CDH23: variants seen among roughly 807,000 people sequenced by gnomAD.
The protein encoded by CDH23 is cadherin related 23, also known as cadherin-23.
In CDH23, 189 loss-of-function variants were observed where a neutral mutation model predicts 317.1. The ratio of observed to expected loss-of-function variants is 0.60; its 90% CI spans 0.53 to 0.67. CDH23 has a LOEUF of 0.67. Among genes scored for constraint, CDH23 ranks in the 30% least tolerant of loss-of-function variants. The pLI is 0.00. For synonymous variants in CDH23, 1,839 were observed against 1,876.8 expected, an observed-to-expected ratio of 0.98 and a Z score of 0.52; for missense variants, 4,401 against 4,592.4, an observed-to-expected ratio of 0.96 and a Z score of 1.20.
intron 6 of CDH23, among the ~76,000 whole-genome samples, chr10:71,526,747 G>C (rs1432751982): frequency 6.6e-6 from 1 of 152,138 alleles, no homozygotes; most frequent in Non-Finnish European, 1.5e-5. Context: ...TGCGTCACTC[G>C]GGTGCTTTTT....
At chr10:71,700,452 G>T (rs1317545156) in intron 22 of CDH23, among the ~76,000 whole-genome samples, 1 of 152,184 alleles carries the variant, frequency 6.6e-6, no homozygotes, top group Non-Finnish European at 1.5e-5. Context: ...AAGGAATGCT[G>T]GTCTTCTATG....
intron 17 of CDH23, among the ~76,000 whole-genome samples, chr10:71,681,582 G>A (rs1385209363): frequency 2.0e-5 from 3 of 152,208 alleles, no homozygotes; most frequent in East Asian, 1.9e-4. Flanking sequence ...AGTGCCCAGA[G>A]TAGGTGACTG....
chr10:71,792,848 A>ACATAT (rs1436616635), intron 47 of CDH23, among the ~76,000 whole-genome samples: 1 of 54,244 alleles, frequency 1.8e-5, no homozygotes, highest in African/African-American at 6.5e-5. Context: ...AAAAAAAAAA[A>ACATAT]AAAAATATAT....
At chr10:71,644,414 G>A (rs1010024986) in intron 12 of CDH23, among the ~76,000 whole-genome samples, 4 of 152,254 alleles carry the variant, frequency 2.6e-5, no homozygotes, top group African/African-American at 4.8e-5. Flanking sequence ...ATGGGTAAAC[G>A]TTAGCATGCA....
chr10:71,554,102 G>A (rs1455379929), intron 6 of CDH23, among the ~76,000 whole-genome samples: 1 of 152,208 alleles, frequency 6.6e-6, no homozygotes, highest in East Asian at 1.9e-4. Context: ...AAGATTTACT[G>A]AGCACCTATT....
In CDH23 at chr10:71,751,244, C is replaced by A; in HGVS notation, c.4845+9323C>A. 6.2e-7 allele frequency: 1 copy of A among 1,607,086 alleles called. No homozygotes were observed. Among genetic ancestry groups the A allele is most frequent in the East Asian group, 2.2e-5 (1 of 44,698 alleles). ...CCCAGCCACAACAGCCCACTGTCCC[C>A]CAGCTGGGCTAGATGACCTCAAAGT... On this transcript the variant is annotated intron_variant, in intron 38 of 69. Transcript: ENST00000224721. The surrounding 1 kb of genome is among the most constrained non-coding windows in gnomAD (Gnocchi z 4.9).
chr10:71,697,057 G>A (rs757254121), intron 22 of CDH23, among the ~76,000 whole-genome samples: 6 of 152,226 alleles, frequency 3.9e-5, no homozygotes, highest in Non-Finnish European at 5.9e-5. Flanking sequence ...TGAGGGGCAG[G>A]TGAGGAAGGT....
chr10:71,571,698 C>T (rs527613045), intron 8 of CDH23, among the ~76,000 whole-genome samples: 41 of 152,284 alleles, frequency 2.7e-4, no homozygotes, highest in South Asian at 1.7e-3. Context: ...TAGAAAAATG[C>T]GCCTCCCCTA....
At chr10:71,777,637 C>T in intron 38 of CDH23, 43 bp from the exon 39 acceptor site, 1 of 1,556,716 alleles carries the variant, frequency 6.4e-7, no homozygotes, top group Non-Finnish European at 8.7e-7. Context: ...ACCTTGGTCC[C>T]TCTGGCCACC....
chr10:71,778,884 A>G (rs549029124), intron 40 of CDH23, among the ~76,000 whole-genome samples: 3 of 152,208 alleles, frequency 2.0e-5, no homozygotes, highest in Admixed American at 2.0e-4. Flanking sequence ...CAGCCTCCCA[A>G]GTAGCTGGGA....
intron 2 of CDH23, among the ~76,000 whole-genome samples, chr10:71,444,957 C>T (rs1386317949): frequency 1.3e-5 from 2 of 152,164 alleles, no homozygotes; most frequent in African/African-American, 4.8e-5. Flanking sequence ...CCTCACTTGC[C>T]TACTGAAGGC....
At chr10:71,709,980 A>G (rs1471304034) in intron 27 of CDH23, among the ~76,000 whole-genome samples, 1 of 152,188 alleles carries the variant, frequency 6.6e-6, no homozygotes, top group African/African-American at 2.4e-5. Context: ...GAAACCCCTG[A>G]TAAAACCATC....
At chr10:71,729,898 G>A (rs1317793804) in intron 30 of CDH23, among the ~76,000 whole-genome samples, 4 of 151,746 alleles carry the variant, frequency 2.6e-5, no homozygotes, top group South Asian at 4.2e-4. Context: ...GCAGTGGCGC[G>A]ATCTTGGTTC....
chr10:71,410,739 G>T (rs1257082988), intron 1 of CDH23, among the ~76,000 whole-genome samples: 2 of 152,144 alleles, frequency 1.3e-5, no homozygotes, highest in East Asian at 3.8e-4. Context: ...GTTGAATAAT[G>T]CAGTGGGTTC....
intron 38 of CDH23, among the ~76,000 whole-genome samples, chr10:71,764,156 C>A (rs1840470100): frequency 6.6e-6 from 1 of 152,180 alleles, no homozygotes; most frequent in African/African-American, 2.4e-5. Flanking sequence ...GATCTCAAAG[C>A]CTGGAGCATG....
chr10:71,478,969 G>T (rs1280137798), intron 3 of CDH23, among the ~76,000 whole-genome samples: 2 of 152,148 alleles, frequency 1.3e-5, no homozygotes, highest in Non-Finnish European at 2.9e-5. Flanking sequence ...GGGTCACATG[G>T]AGACTTTATG....
intron 32 of CDH23, among the ~76,000 whole-genome samples, chr10:71,733,201 C>T (rs1668782764): frequency 6.6e-6 from 1 of 152,102 alleles, no homozygotes; most frequent in African/African-American, 2.4e-5. Flanking sequence ...TAAAGGATAC[C>T]AACAAACAGC....
intron 28 of CDH23, 129 bp from the exon 29 acceptor site, chr10:71,723,916 T>G: frequency 9.7e-7 from 1 of 1,028,084 alleles, no homozygotes; most frequent in Non-Finnish European, 1.5e-6. Context: ...ACCCCCAGCC[T>G]CTGAGGGAGA....
At chr10:71,452,621 T>C (rs1001560837) in intron 3 of CDH23, among the ~76,000 whole-genome samples, 12 of 152,198 alleles carry the variant, frequency 7.9e-5, no homozygotes, top group African/African-American at 2.9e-4. Flanking sequence ...TGGCTTTGTC[T>C]GCATCTGTGA....
Sources: allele counts gnomAD v4.1 joint callset (sites outside exome capture counted in the v4.1 genomes callset), GRCh38; gene constraint gnomAD v4.1.1; non-coding constraint Gnocchi (gnomAD v3.1); transcripts MANE v1.5; gene names NCBI Gene and HGNC (gene_info 2026-07-23, HGNC 2026-07-21).